Variants in CSMD1 observed in about 807,000 individuals in gnomAD.
CSMD1 encodes the protein CUB and sushi domain-containing protein 1.
CSMD1 carries 213 observed loss-of-function variants against 417.5 expected under a neutral mutation model. The observed-to-expected ratio is 0.51, with a 90% CI of 0.46 to 0.57. The LOEUF is 0.57. CSMD1 is among the 20% of genes least tolerant of loss of function. The pLI, the probability that CSMD1 is intolerant of heterozygous loss-of-function variation, is 0.00. For missense variants in CSMD1, 6,923 were observed against 4,529.7 expected, an observed-to-expected ratio of 1.53 and a Z score of -15.17; for synonymous variants, 2,862 against 1,736.8, an observed-to-expected ratio of 1.65 and a Z score of -16.11.
intron 54 of CSMD1, among the ~76,000 whole-genome samples, chr8:2,980,514 T>A (rs994618992): frequency 6.6e-6 from 1 of 152,170 alleles, no homozygotes; most frequent in African/African-American, 2.4e-5. Context: ...ATCATTTTCA[T>A]CTTCTCTTTG....
intron 5 of CSMD1, among the ~76,000 whole-genome samples, chr8:3,957,826 G>A (rs561453471): frequency 2.6e-5 from 4 of 152,064 alleles, no homozygotes; most frequent in South Asian, 2.1e-4. Context: ...GGAAATGAAG[G>A]GATAATCACA....
chr8:3,304,716 TTTTTTATTTTTCTC>T (rs1804686304), intron 25 of CSMD1, among the ~76,000 whole-genome samples: 1 of 39,042 alleles, frequency 2.6e-5, no homozygotes, highest in Non-Finnish European at 6.7e-5. Flanking sequence ...ATTCAAATAT[TTTTTTATTTTTCTC>T]TTTTTAATTT....
At chr8:4,374,302 G>T (rs773089752) in intron 3 of CSMD1, among the ~76,000 whole-genome samples, 1 of 152,182 alleles carries the variant, frequency 6.6e-6, no homozygotes, top group South Asian at 2.1e-4. Flanking sequence ...CTGTATTAGA[G>T]TACAATATAA....
Position 3,367,199 on chromosome 8 carries a change from T to G in CSMD1, c.2948A>C (p.Tyr983Ser), listed in dbSNP as rs763371765. Residue 983 changes from tyrosine (Y) to serine (S), a missense_variant, in exon 20 of 70, where the codon TAT becomes TCT. Physicochemically the swap from Tyr to Ser is moderately radical, Grantham distance 144. Coordinates refer to ENST00000635120, the MANE Select transcript of CSMD1 (RefSeq NM_033225.6). ...ACTTCCATCCTCTGTGATCAGTAAA[T>G]AGTCGTGGGAACTCTCAAGATGAAA... ...HTFHLESSHD[Y>S]LLITEDGSFS... 6.2e-7 allele frequency: 1 copy of G among 1,613,396 alleles called. No homozygotes were observed. Among genetic ancestry groups the G allele is most frequent in the Non-Finnish European group, 8.5e-7 (1 of 1,179,726 alleles).
intron 65 of CSMD1, 98 bp from the exon 66 acceptor site, chr8:2,951,373 A>G: frequency 7.9e-7 from 1 of 1,260,176 alleles, no homozygotes; most frequent in South Asian, 1.6e-5. Flanking sequence ...TTAGCGAGCG[A>G]TCACAGATGA....
intron 3 of CSMD1, among the ~76,000 whole-genome samples, chr8:4,106,056 G>C (rs555272005): frequency 2.6e-5 from 4 of 152,340 alleles, no homozygotes; most frequent in East Asian, 3.9e-4. Flanking sequence ...GATTTTAGGG[G>C]TGCCAGGCAG....
At chr8:4,563,262 A>G (rs965111854) in intron 2 of CSMD1, among the ~76,000 whole-genome samples, 1 of 152,100 alleles carries the variant, frequency 6.6e-6, no homozygotes, top group African/African-American at 2.4e-5. Context: ...TTAGCCGGAC[A>G]TGGTGGCGGG....
intron 3 of CSMD1, among the ~76,000 whole-genome samples, chr8:4,044,013 G>A (rs916037494): frequency 4.1e-5 from 6 of 144,650 alleles, no homozygotes; most frequent in African/African-American, 1.3e-4. Context: ...AAATAATTTT[G>A]GCAAAGCTTA....
Position 3,455,594 on chromosome 8 carries a change from C to G in CSMD1, c.1561+13118G>C, listed in dbSNP as rs555139168. ...GAGGTCCACTCCAGACCTTGTGTGC[C>G]TGGGTATCAGCAGCAGAGGCTGCAG... On this transcript the variant is annotated intron_variant, in intron 12 of 69. Coordinates refer to ENST00000635120, the MANE Select transcript of CSMD1 (RefSeq NM_033225.6). 3.3e-5 allele frequency among the ~76,000 whole-genome samples: 5 copies of G among 152,334 alleles called. No homozygotes were observed. In the South Asian group the frequency reaches 1.0e-3, roughly 32 times the overall value.
chr8:4,324,218 T>C (rs572235140), intron 3 of CSMD1, among the ~76,000 whole-genome samples: 12 of 152,242 alleles, frequency 7.9e-5, no homozygotes, highest in Non-Finnish European at 1.8e-4. Flanking sequence ...GAATGTATGA[T>C]GCATCTGCAG....
intron 2 of CSMD1, among the ~76,000 whole-genome samples, chr8:4,475,216 G>C (rs1368079333): frequency 1.3e-5 from 2 of 152,146 alleles, no homozygotes; most frequent in African/African-American, 2.4e-5. Context: ...AAAAGTTGTG[G>C]ATGGCATTCA....
At chr8:4,604,000 T>G (rs1800734270) in intron 2 of CSMD1, among the ~76,000 whole-genome samples, 1 of 152,180 alleles carries the variant, frequency 6.6e-6, no homozygotes, top group South Asian at 2.1e-4. Flanking sequence ...CTATTCACTA[T>G]AAAAAGAATT....
intron 41 of CSMD1, among the ~76,000 whole-genome samples, chr8:3,136,259 T>C (rs1818080509): frequency 6.6e-6 from 1 of 151,410 alleles, no homozygotes. Flanking sequence ...TTTTTCTTTT[T>C]TTTTTTTTGC....
chr8:3,862,291 G>A lies in CSMD1; in HGVS notation c.819-108249C>T, dbSNP rs187807131. On this transcript the variant is annotated intron_variant, in intron 5 of 69. Coordinates refer to ENST00000635120, the MANE Select transcript of CSMD1 (RefSeq NM_033225.6). ...ATAACTTACCATTACCTCTTAGAAC[G>A]AATTTACATTCTCCTTTCTGTCATC... 3.6e-3 allele frequency among the ~76,000 whole-genome samples: 544 copies of A among 152,230 alleles called. 4 individuals are homozygous for A. Among genetic ancestry groups the A allele is most frequent in the Non-Finnish European group, 6.3e-3 (430 of 68,014 alleles).
At chr8:4,440,390 G>A (rs571419196) in intron 2 of CSMD1, among the ~76,000 whole-genome samples, 3 of 152,082 alleles carry the variant, frequency 2.0e-5, no homozygotes, top group African/African-American at 7.2e-5. Flanking sequence ...GGAGTCAGAG[G>A]ATTGCTCTCA....
chr8:3,326,694 G>C (rs951047196), intron 23 of CSMD1, among the ~76,000 whole-genome samples: 15 of 152,214 alleles, frequency 9.9e-5, no homozygotes, highest in African/African-American at 3.6e-4. Flanking sequence ...TTTCCTCTTA[G>C]GTACTCTCAG....
At chr8:4,577,194 C>G (rs1234461805) in intron 2 of CSMD1, among the ~76,000 whole-genome samples, 3 of 151,872 alleles carry the variant, frequency 2.0e-5, no homozygotes, top group South Asian at 4.1e-4. Flanking sequence ...GCGAGATTTT[C>G]TTTTGAATGT....
At chr8:3,965,847 G>A (rs1037393505) in intron 5 of CSMD1, among the ~76,000 whole-genome samples, 1 of 152,122 alleles carries the variant, frequency 6.6e-6, no homozygotes, top group African/African-American at 2.4e-5. Flanking sequence ...TTGAACTCTT[G>A]ACCTCATACT....
intron 5 of CSMD1, among the ~76,000 whole-genome samples, chr8:3,860,728 C>T (rs1050945676): frequency 6.6e-6 from 1 of 152,108 alleles, no homozygotes; most frequent in African/African-American, 2.4e-5. Context: ...ACGCTAATAG[C>T]AAAGTCCACA....
Sources: allele counts gnomAD v4.1 joint callset (sites outside exome capture counted in the v4.1 genomes callset), GRCh38; gene constraint gnomAD v4.1.1; transcripts MANE v1.5; gene names NCBI Gene and HGNC (gene_info 2026-07-23, HGNC 2026-07-21).